The following COL14A1 variants were observed in gnomAD, a reference collection of about 807,000 sequenced individuals.
COL14A1 encodes collagen alpha-1(XIV) chain.
In COL14A1, 136 loss-of-function variants were observed where a neutral mutation model predicts 230.3. The observed-to-expected ratio is 0.59, with a 90% CI of 0.51 to 0.68. COL14A1 has a LOEUF of 0.68. Among genes scored for constraint, COL14A1 ranks in the 30% least tolerant of loss-of-function variants. The probability of loss-of-function intolerance (pLI) is 0.00; values close to 1 mark genes in which losing one functional copy is unlikely to be tolerated. For missense variants in COL14A1, 1,976 were observed against 2,215.8 expected, an observed-to-expected ratio of 0.89 and a Z score of 2.17; for synonymous variants, 792 against 784.1, an observed-to-expected ratio of 1.01 and a Z score of -0.17.
intron 8 of COL14A1, among the ~76,000 whole-genome samples, chr8:120,202,803 T>A (rs1238082233): frequency 6.6e-6 from 1 of 151,794 alleles, no homozygotes; most frequent in African/African-American, 2.4e-5. Context: ...CCCTGCTGTA[T>A]TCCAGACACC....
intron 14 of COL14A1, 41 bp from the exon 15 acceptor site, chr8:120,225,047 G>C: frequency 6.3e-7 from 1 of 1,583,856 alleles, no homozygotes; most frequent in South Asian, 1.1e-5. Context: ...CTTATACTTA[G>C]CATTAGATAG....
At chr8:120,211,698 G>A (rs1817619284) in intron 12 of COL14A1, among the ~76,000 whole-genome samples, 1 of 152,162 alleles carries the variant, frequency 6.6e-6, no homozygotes, top group Non-Finnish European at 1.5e-5. Flanking sequence ...TATATATTGA[G>A]ATAGTTCAAA....
chr8:120,368,235 T>A (rs1034012534), intron 46 of COL14A1, among the ~76,000 whole-genome samples: 6 of 152,130 alleles, frequency 3.9e-5, no homozygotes, highest in African/African-American at 1.4e-4. Context: ...AATCTTATTA[T>A]AATATATATT....
chr8:120,182,297 G>A (rs769910195), intron 5 of COL14A1, among the ~76,000 whole-genome samples: 22 of 152,200 alleles, frequency 1.4e-4, no homozygotes, highest in Admixed American at 2.6e-4. Flanking sequence ...AGGAATGCTC[G>A]GGCTTCTCTT....
intron 1 of COL14A1, among the ~76,000 whole-genome samples, chr8:120,132,563 A>ATTTTT (rs11371929): frequency 6.8e-6 from 1 of 146,218 alleles, no homozygotes; most frequent in Non-Finnish European, 1.5e-5. Flanking sequence ...TTTGTTTAGA[A>ATTTTT]TTTTTTTTTT....
chr8:120,194,504 A>G (rs1322076606), intron 5 of COL14A1, among the ~76,000 whole-genome samples: 19 of 152,096 alleles, frequency 1.2e-4, no homozygotes, highest in Admixed American at 1.1e-3. Context: ...TAGTCTTATT[A>G]AACTTATCAA....
At chr8:120,229,211 CT>C in intron 18 of COL14A1, among the ~76,000 whole-genome samples, 1 of 150,974 alleles carries the variant, frequency 6.6e-6, no homozygotes, top group East Asian at 2.0e-4. Flanking sequence ...ACTGCACACA[CT>C]AACTCGTCAT....
intron 1 of COL14A1, among the ~76,000 whole-genome samples, chr8:120,136,320 G>C (rs1439495756): frequency 6.6e-6 from 1 of 151,740 alleles, no homozygotes; most frequent in Non-Finnish European, 1.5e-5. Flanking sequence ...TCCTGAATGT[G>C]TATTGAATTT....
At chr8:120,193,939 A>G (rs1246248053) in intron 5 of COL14A1, among the ~76,000 whole-genome samples, 2 of 152,168 alleles carry the variant, frequency 1.3e-5, no homozygotes, top group Admixed American at 6.5e-5. Flanking sequence ...CCGGTTTTCC[A>G]GGTGCCATCT....
chr8:120,214,000 T>C (rs1817682554), intron 13 of COL14A1: 3 of 379,340 alleles, frequency 7.9e-6, no homozygotes. Flanking sequence ...TCAGTATGTA[T>C]TGAATTAATG....
At chr8:120,148,736 A>G (rs896910157) in intron 2 of COL14A1, among the ~76,000 whole-genome samples, 9 of 152,198 alleles carry the variant, frequency 5.9e-5, no homozygotes, top group Admixed American at 5.2e-4. Flanking sequence ...GAGCCTGCCA[A>G]TATGCCATTT....
intron 14 of COL14A1, among the ~76,000 whole-genome samples, chr8:120,217,792 A>G (rs1817800701): frequency 6.6e-6 from 1 of 151,876 alleles, no homozygotes; most frequent in South Asian, 2.1e-4. Flanking sequence ...GTCACCAGAA[A>G]TACATAAACT....
chr8:120,285,714 G>A, intron 32 of COL14A1, 147 bp from the exon 33 acceptor site: 1 of 606,272 alleles, frequency 1.6e-6, no homozygotes, highest in Non-Finnish European at 2.9e-6. Flanking sequence ...GCAACCTGGG[G>A]ACTGTAGAAC....
At chr8:120,300,349 C>G (rs986318408) in intron 35 of COL14A1, among the ~76,000 whole-genome samples, 2 of 152,056 alleles carry the variant, frequency 1.3e-5, no homozygotes, top group Non-Finnish European at 2.9e-5. Context: ...TTTCCTTTAT[C>G]CTTTGAAACA....
intron 20 of COL14A1, among the ~76,000 whole-genome samples, chr8:120,246,879 A>G (rs562907498): frequency 2.6e-5 from 4 of 152,330 alleles, no homozygotes; most frequent in Non-Finnish European, 4.4e-5. Context: ...ATGAAGATGA[A>G]AGCAAAAAAT....
chr8:120,259,961 G>T (rs1359970401), intron 23 of COL14A1, among the ~76,000 whole-genome samples: 2 of 152,036 alleles, frequency 1.3e-5, no homozygotes, highest in African/African-American at 4.8e-5. Context: ...GCGAAACACT[G>T]AGTTGACTAA....
At chr8:120,188,338 T>C (rs1366905081) in intron 5 of COL14A1, among the ~76,000 whole-genome samples, 1 of 152,146 alleles carries the variant, frequency 6.6e-6, no homozygotes, top group African/African-American at 2.4e-5. Flanking sequence ...CATCTTGGCC[T>C]CCCAAAGTGC....
chr8:120,283,497 C>A, intron 31 of COL14A1, 139 bp from the exon 32 acceptor site: 2 of 780,466 alleles, frequency 2.6e-6, no homozygotes, highest in South Asian at 2.0e-5. Flanking sequence ...ATTAGATCAA[C>A]AGTGATCTAG....
Position 120,289,611 on chromosome 8 carries a change from C to T in COL14A1, c.4081C>T (p.His1361Tyr), listed in dbSNP as rs1820308128. 1 of 1,613,512 alleles carries T rather than the reference C, an allele frequency of 6.2e-7. No individual in the cohort carries two copies. Residue 1361 changes from histidine to tyrosine, a missense_variant, in exon 34 of 48, where the codon CAC becomes TAC. By Grantham distance (83) the His-to-Tyr change is moderately conservative. Around this residue, in one of 3 missense-constraint regions of COL14A1, gnomAD observed 1,791 missense variants for 2,019.5 expected, o/e 0.89. Transcript: ENST00000297848. ...KIFYGSFHKL[H>Y]IVVSETLVKV... ...AAAACATCTTACTTTTACCTAGCTA[C>T]ACATTGTTGTCAGTGAGACTTTGGT...
Sources: allele counts gnomAD v4.1 joint callset (sites outside exome capture counted in the v4.1 genomes callset), GRCh38; gene constraint gnomAD v4.1.1; regional missense constraint gnomAD v4.1.1; transcripts MANE v1.5; gene names NCBI Gene and HGNC (gene_info 2026-07-23, HGNC 2026-07-21).